The following APIP variants were observed in gnomAD, a reference collection of about 807,000 sequenced individuals.
APIP encodes methylthioribulose-1-phosphate dehydratase.
APIP carries 32 observed loss-of-function variants against 32.0 expected under a neutral mutation model. The observed-to-expected ratio is 1.00, with a 90% confidence interval of 0.76 to 1.34. The LOEUF (loss-of-function observed/expected upper bound fraction) is 1.34. APIP is among the 40% of genes most tolerant of loss of function. The probability of loss-of-function intolerance (pLI) is 0.00; values close to 1 mark genes in which losing one functional copy is unlikely to be tolerated. For missense variants in APIP, 247 were observed against 298.6 expected (o/e 0.83, Z 1.27); for synonymous variants, 92 against 94.8 (o/e 0.97, Z 0.17).
intron 5 of APIP, among the ~76,000 whole-genome samples, chr11:34,884,932 A>G (rs1853036231): frequency 6.6e-6 from 1 of 151,908 alleles, no homozygotes; most frequent in Non-Finnish European, 1.5e-5. Flanking sequence ...CAAACATGAC[A>G]CTGATCCAGA....
At chr11:34,889,997 C>CTT (rs34972978) in intron 3 of APIP, among the ~76,000 whole-genome samples, 3 of 151,830 alleles carry the variant, frequency 2.0e-5, no homozygotes, top group Admixed American at 2.0e-4. Flanking sequence ...AGCAGCTTTT[C>CTT]TTTTTTTTCT....
chr11:34,910,567 C>G (rs1853530102), intron 1 of APIP, among the ~76,000 whole-genome samples: 1 of 152,040 alleles, frequency 6.6e-6, no homozygotes, highest in African/African-American at 2.4e-5. Flanking sequence ...ATTAGAAAAA[C>G]AGGAATGGGA....
intron 1 of APIP, among the ~76,000 whole-genome samples, chr11:34,915,078 C>T (rs1853645005): frequency 6.6e-6 from 1 of 150,630 alleles, no homozygotes; most frequent in Non-Finnish European, 1.5e-5. Flanking sequence ...AAAAACATGC[C>T]TGTCCACCAA....
chr11:34,883,339 G>T lies in APIP; in HGVS notation c.627C>A (p.Thr209=). The change falls in exon 6 of 7, where the codon ACC becomes ACA. Residue 209 remains threonine (T), a splice_region_variant and synonymous_variant. Coordinates refer to ENST00000395787, the MANE Select transcript of APIP (RefSeq NM_015957.4). ...CATGTTCTCTGATTTACACTCACAT[G>T]GTTTTGGCCTTCTCCCATGTTTCCC... ...VWGETWEKAK[T]MCECYDYLFD... is the part of the protein sequence containing the mutation. 6.2e-7 allele frequency: 1 copy of T among 1,604,302 alleles called. No individual in the cohort carries two copies. Among genetic ancestry groups the T allele is most frequent in the Non-Finnish European group, 8.5e-7 (1 of 1,175,952 alleles).
intron 1 of APIP, among the ~76,000 whole-genome samples, chr11:34,909,821 A>T (rs1354277262): frequency 6.6e-6 from 1 of 152,134 alleles, no homozygotes; most frequent in Non-Finnish European, 1.5e-5. Flanking sequence ...GGGCTTGGAG[A>T]TCCTGAGCTC....
intron 1 of APIP, among the ~76,000 whole-genome samples, chr11:34,899,529 G>T (rs914964863): frequency 1.3e-5 from 2 of 152,212 alleles, no homozygotes; most frequent in Non-Finnish European, 2.9e-5. Flanking sequence ...CTTTAGCATG[G>T]GCCATAATAG....
chr11:34,908,356 T>C (rs1309689119), intron 1 of APIP, among the ~76,000 whole-genome samples: 1 of 152,258 alleles, frequency 6.6e-6, no homozygotes. Flanking sequence ...CTTATTTTCC[T>C]GACACTGGGC....
chr11:34,900,893 C>T (rs118108368), intron 1 of APIP, among the ~76,000 whole-genome samples: 2,288 of 152,116 alleles, frequency 0.015, 26 homozygotes, highest in Non-Finnish European at 0.023. Flanking sequence ...AAAGACCAAA[C>T]GAGAATCCCA....
At chr11:34,906,241 A>G (rs1037329481) in intron 1 of APIP, among the ~76,000 whole-genome samples, 64 of 152,110 alleles carry the variant, frequency 4.2e-4, no homozygotes, top group Non-Finnish European at 8.4e-4. Context: ...TAGTAGCACT[A>G]GTTCCTGACT....
Position 34,916,176 on chromosome 11 carries a change from C to G in APIP, c.57+52G>C, listed in dbSNP as rs375386462. 2.7e-5 allele frequency: 43 copies of G among 1,580,770 alleles called. No homozygotes were observed. The Middle Eastern group carries it at 6.6e-4, about 24-fold the overall frequency. On this transcript the variant is annotated intron_variant, in intron 1 of 6. Transcript: ENST00000395787. ...GCGCCCAGCTCCAGCCGCCGGGTCC[C>G]GCCTGGGCCTCTCCTCCTGGGAATA...
At chr11:34,892,546 A>G (rs1003112513) in intron 2 of APIP, among the ~76,000 whole-genome samples, 2 of 152,160 alleles carry the variant, frequency 1.3e-5, no homozygotes, top group Non-Finnish European at 2.9e-5. Context: ...GACACCTGTC[A>G]ATATTACTCT....
intron 1 of APIP, among the ~76,000 whole-genome samples, chr11:34,914,713 T>C (rs1262099242): frequency 6.6e-6 from 1 of 152,130 alleles, no homozygotes; most frequent in Non-Finnish European, 1.5e-5. Flanking sequence ...GATTTTGAAA[T>C]GTTGGCTTGG....
intron 5 of APIP, among the ~76,000 whole-genome samples, chr11:34,884,799 G>A (rs903555817): frequency 6.6e-5 from 10 of 151,836 alleles, no homozygotes; most frequent in African/African-American, 2.2e-4. Context: ...AATATTGGCC[G>A]AGAGAACCAT....
chr11:34,910,443 T>C (rs752091272), intron 1 of APIP, among the ~76,000 whole-genome samples: 2 of 152,114 alleles, frequency 1.3e-5, no homozygotes, highest in African/African-American at 2.4e-5. Context: ...ACTGGTTAAT[T>C]AAGACAGTTT....
At chr11:34,888,655 TG>T (rs1853126793) in intron 4 of APIP, 96 bp downstream of exon 4, 2 of 1,161,770 alleles carry the variant, frequency 1.7e-6, no homozygotes, top group Non-Finnish European at 2.4e-6. Context: ...TTGCACATGG[TG>T]GGTATCCAAG....
At chr11:34,893,898 TCAACAGCACATA>T (rs1301018197) in intron 2 of APIP, among the ~76,000 whole-genome samples, 2 of 152,194 alleles carry the variant, frequency 1.3e-5, no homozygotes, top group East Asian at 3.9e-4. Context: ...CTATATATAT[TCAACAGCACATA>T]AATATTTTAA....
chr11:34,896,406 G>T (rs563047650), intron 1 of APIP, among the ~76,000 whole-genome samples: 11 of 152,322 alleles, frequency 7.2e-5, no homozygotes, highest in African/African-American at 2.6e-4. Flanking sequence ...AAAAGGATGA[G>T]CTCACGTCCT....
At chr11:34,890,760 G>T in intron 2 of APIP, 3 of 413,556 alleles carry the variant, frequency 7.3e-6, no homozygotes, top group South Asian at 4.2e-5. Context: ...ATTAGTTGTT[G>T]CTTTTGTCTT....
At chr11:34,913,574 C>T (rs192783060) in intron 1 of APIP, among the ~76,000 whole-genome samples, 44 of 152,232 alleles carry the variant, frequency 2.9e-4, no homozygotes, top group Non-Finnish European at 4.7e-4. Context: ...CGCAGACCTT[C>T]GCAGGGAGTG....
Sources: gnomAD v4.1 joint callset for allele counts (sites outside exome capture counted in the v4.1 genomes callset) on GRCh38, gnomAD v4.1.1 for gene constraint, MANE v1.5 for transcripts, NCBI Gene and HGNC (gene_info 2026-07-23, HGNC 2026-07-21) for gene names.